CDR2L: variants seen among roughly 807,000 people sequenced by gnomAD.
CDR2L encodes cerebellar degeneration-related protein 2-like.
A neutral mutation model predicts 36.1 loss-of-function variants in CDR2L; 19 were observed. The observed-to-expected ratio is 0.53, with a 90% CI of 0.37 to 0.77. CDR2L has a LOEUF of 0.77. Among genes scored for constraint, CDR2L ranks in the 30% least tolerant of loss-of-function variants. CDR2L has a pLI of 0.00. For synonymous variants in CDR2L, 285 were observed against 280.4 expected, an observed-to-expected ratio of 1.02 and a Z score of -0.16; for missense variants, 575 against 627.2, an observed-to-expected ratio of 0.92 and a Z score of 0.89.
intron 2 of CDR2L, among the ~76,000 whole-genome samples, chr17:74,999,843 A>G (rs2039854249): frequency 6.6e-6 from 1 of 151,430 alleles, no homozygotes; most frequent in South Asian, 2.1e-4. Flanking sequence ...AAGTCTCACC[A>G]TGTTGCCCAG....
chr17:74,999,887 C>T (rs918104880), intron 2 of CDR2L, among the ~76,000 whole-genome samples: 12 of 152,084 alleles, frequency 7.9e-5, no homozygotes, highest in Non-Finnish European at 1.5e-4. Flanking sequence ...AAGTGATCCT[C>T]CCACCTCAGC....
Position 75,002,304 on chromosome 17 carries a change from C to A in CDR2L, c.506+76C>A. 7.6e-7 allele frequency: 1 copy of A among 1,315,378 alleles called. No individual in the cohort carries two copies. Among genetic ancestry groups the A allele is most frequent in the Non-Finnish European group, 1.1e-6 (1 of 947,652 alleles). The allele number at this position is 1,315,378 out of a possible 1,614,324, so 81.5% of individuals were successfully genotyped here. ...AGGAGAGGCAGCAGGCAGCAGGGTG[C>A]AGTTGGTGCATCATCCAGGCCATCA... On this transcript the variant is annotated intron_variant, in intron 4 of 4. Coordinates refer to ENST00000337231, the MANE Select transcript of CDR2L (RefSeq NM_014603.3). The surrounding 1 kb of genome is among the most constrained non-coding windows in gnomAD (Gnocchi z 4.1).
intron 1 of CDR2L, among the ~76,000 whole-genome samples, chr17:74,990,263 C>G (rs1471316059): frequency 6.6e-6 from 1 of 152,196 alleles, no homozygotes; most frequent in Admixed American, 6.5e-5. Context: ...CTCTGCTTCT[C>G]TGGCCCTGCT....
At chr17:74,988,870 G>T (rs994361934) in intron 1 of CDR2L, among the ~76,000 whole-genome samples, 3 of 152,182 alleles carry the variant, frequency 2.0e-5, no homozygotes, top group Non-Finnish European at 4.4e-5. Flanking sequence ...ACTGGAAGGG[G>T]GTTAGAAGCT....
rs1179043267 is a variant in CDR2L, at chr17:75,003,275, G to C, written c.599G>C (p.Gly200Ala). The change falls in exon 5 of 5, where the codon GGG (glycine) becomes GCG (alanine). Residue 200 changes from glycine (G) to alanine (A), a missense_variant. Physicochemically the swap from Gly to Ala is moderately conservative, Grantham distance 60 (BLOSUM62 0). Transcript: ENST00000337231. The part of the protein sequence containing the change: ...QENERLQTLV[G>A]ALRSQVSQER... ...AACGAGCGGCTGCAGACCCTGGTGGGGGCGCTGCGCTCCCAGGTGAGCCAG... is the reference window on the plus strand; with the variant it reads ...AACGAGCGGCTGCAGACCCTGGTGGCGGCGCTGCGCTCCCAGGTGAGCCAG... 7.7e-6 allele frequency: 12 copies of C among 1,556,834 alleles called. No individual in the cohort carries two copies. The highest frequency in any genetic ancestry group is 3.9e-5 in the Admixed American group (2 of 51,430).
In CDR2L at chr17:75,003,713, G is replaced by A; in HGVS notation, c.1037G>A (p.Arg346His). 2.0e-6 allele frequency: 3 copies of A among 1,464,950 alleles called. No homozygotes were observed. The highest frequency in any genetic ancestry group is 1.8e-6 in the Non-Finnish European group (2 of 1,106,802). 90.7% of individuals were successfully genotyped at this position (1,464,950 alleles called of 1,614,324 possible). The part of the protein sequence containing the change: ...GNLTLHANSV[R>H]KRGMSILREV... ...CTCACACTGCACGCCAACAGCGTGC[G>A]CAAGCGGGGCATGTCCATCCTGCGG... Residue 346 changes from arginine (R) to histidine (H), a missense_variant, in exon 5 of 5, where the codon CGC becomes CAC. Coordinates refer to ENST00000337231, the MANE Select transcript of CDR2L (RefSeq NM_014603.3).
chr17:75,002,094 T>C lies in CDR2L; in HGVS notation c.372T>C (p.Ala124=). The C allele has an allele frequency of 1.3e-6, 2 of 1,599,812 alleles. No homozygotes were observed. The highest frequency in any genetic ancestry group is 2.3e-5 in the South Asian group (2 of 88,384). The change falls in exon 4 of 5, where the codon GCT becomes GCC. Residue 124 remains alanine, a synonymous_variant. Coordinates refer to ENST00000337231, the MANE Select transcript of CDR2L (RefSeq NM_014603.3). This position sits in a 1 kb window ranked among gnomAD's most constrained non-coding sequence, Gnocchi z 4.1. Reference sequence around the variant, plus strand: ...CGGAGACCATTGAGCGCCTCCAGGCTCAGGTGGAGGAGCTGCAGGCCCAGG... The same window carrying C: ...CGGAGACCATTGAGCGCCTCCAGGCCCAGGTGGAGGAGCTGCAGGCCCAGG... ...GLTETIERLQ[A]QVEELQAQVE...
intron 1 of CDR2L, among the ~76,000 whole-genome samples, chr17:74,992,871 C>A (rs2039804723): frequency 6.6e-6 from 1 of 152,198 alleles, no homozygotes; most frequent in African/African-American, 2.4e-5. Context: ...ACAGCCCAGA[C>A]ACTAACCTGG....
intron 1 of CDR2L, among the ~76,000 whole-genome samples, chr17:74,998,886 A>T (rs1324322642): frequency 6.6e-6 from 1 of 152,176 alleles, no homozygotes; most frequent in East Asian, 1.9e-4. Context: ...TGGGGCTGGG[A>T]GGGCATCTGT....
chr17:75,002,332 G>A lies in CDR2L; in HGVS notation c.506+104G>A, dbSNP rs1341837543. On this transcript the variant is annotated intron_variant, in intron 4 of 4. Transcript: ENST00000337231. The surrounding 1 kb of genome is among the most constrained non-coding windows in gnomAD (Gnocchi z 4.1). ...TTGGTGCATCATCCAGGCCATCAGAGAGACTGGTCCTGTTGCTAATGACAG... is the reference window on the plus strand; with the variant it reads ...TTGGTGCATCATCCAGGCCATCAGAAAGACTGGTCCTGTTGCTAATGACAG... 7.8e-6 allele frequency: 8 copies of A among 1,022,616 alleles called. No homozygotes were observed. The East Asian group carries it at 1.1e-4, about 14-fold the overall frequency. 63.3% of individuals were successfully genotyped at this position (1,022,616 alleles called of 1,614,324 possible).
At position 75,003,224 on chromosome 17, in the gene CDR2L, T is replaced by A; in HGVS notation, c.548T>A (p.Leu183Gln). 6.4e-7 allele frequency: 1 copy of A among 1,566,586 alleles called. No individual in the cohort carries two copies. Among genetic ancestry groups the A allele is most frequent in the Non-Finnish European group, 8.6e-7 (1 of 1,156,620 alleles). ...CGCCTACACAGTTCCTCCCTGGAGC[T>A]GGGCCCGCGGCCCCTGGAGCAGGAG... The part of the protein sequence containing the change: ...AFRLHSSSLE[L>Q]GPRPLEQENE... The change falls in exon 5 of 5, where the codon CTG (leucine) becomes CAG (glutamine). Residue 183 changes from leucine to glutamine, a missense_variant. Physicochemically the swap from Leu to Gln is moderately radical, Grantham distance 113 (BLOSUM62 -2). Coordinates refer to ENST00000337231, the MANE Select transcript of CDR2L (RefSeq NM_014603.3).
chr17:75,004,097 C>A lies in CDR2L; in HGVS notation c.*23C>A, dbSNP rs369292752. 264 of 1,578,504 alleles carry A rather than the reference C, an allele frequency of 1.7e-4. No individual in the cohort carries two copies. The highest frequency in any genetic ancestry group is 2.2e-4 in the Non-Finnish European group (252 of 1,161,522). The stretch of plus-strand genomic sequence containing the variant: ...TGACCCTTCTCCGGCCTGCAGCCTC[C>A]CCCAGGGTGGAAGCCGTGGGGTCCC... On this transcript the variant is annotated 3_prime_UTR_variant, in exon 5 of 5. Coordinates refer to ENST00000337231, the MANE Select transcript of CDR2L (RefSeq NM_014603.3).
rs1208852878 is a variant in CDR2L, at chr17:75,003,365, T to C, written c.689T>C (p.Leu230Pro). The change falls in exon 5 of 5, where the codon CTG becomes CCG. Residue 230 changes from leucine (L) to proline (P), a missense_variant. Leu to Pro is a moderately conservative substitution (Grantham distance 98, BLOSUM62 -3). Transcript: ENST00000337231. ...YTAVLQEYSE[L>P]ERQLCEMEAC... is the part of the protein sequence containing the mutation. ...GCGGTGCTGCAGGAGTACTCGGAGC[T>C]GGAGCGCCAGCTGTGCGAGATGGAG... is the stretch of plus-strand genomic sequence containing the variant. 3 of 1,559,110 alleles carry C rather than the reference T, an allele frequency of 1.9e-6. No individual in the cohort carries two copies. The highest frequency in any genetic ancestry group is 2.6e-6 in the Non-Finnish European group (3 of 1,152,394).
chr17:74,999,430 C>G, intron 1 of CDR2L, 74 bp from the exon 2 acceptor site: 2 of 1,024,856 alleles, frequency 2.0e-6, no homozygotes, highest in Non-Finnish European at 2.9e-6. Flanking sequence ...ATTGGGGTCA[C>G]CTAGAGTAGA....
At chr17:75,001,277 T>G in intron 2 of CDR2L, 64 bp from the exon 3 acceptor site, 2 of 1,366,404 alleles carry the variant, frequency 1.5e-6, no homozygotes, top group Non-Finnish European at 2.0e-6. Flanking sequence ...AGTAGGAGGG[T>G]CTAGGCAGAG....
In CDR2L at chr17:75,002,072, A is replaced by G. The variant is rs949407944; in HGVS notation, c.350A>G (p.Glu117Gly). 3 of 1,589,030 alleles carry G rather than the reference A, an allele frequency of 1.9e-6. No homozygotes were observed. The highest frequency in any genetic ancestry group is 1.8e-5 in the Admixed American group (1 of 55,198). ...CACCACCCCGCCCCCAGGCTGACGG[A>G]GACCATTGAGCGCCTCCAGGCTCAG... ...AAQQKIHGLT[E>G]TIERLQAQVE... Residue 117 changes from glutamate (E) to glycine (G), a missense_variant, in exon 4 of 5, where the codon GAG becomes GGG. Transcript: ENST00000337231. This position sits in a 1 kb window ranked among gnomAD's most constrained non-coding sequence, Gnocchi z 4.1.
At position 75,001,476 on chromosome 17, in the gene CDR2L, C is replaced by A. The variant is rs540291010; in HGVS notation, c.328C>A (p.Gln110Lys). The A allele has an allele frequency of 1.6e-5, 25 of 1,571,650 alleles. No individual in the cohort carries two copies. The highest frequency in any genetic ancestry group is 2.2e-5 in the Non-Finnish European group (25 of 1,161,192). ...GGTGCTGGAGAGTAAGGCTGCCCAG[C>A]AGAAGATCCATGGGTGAGGGCCCGG... Reference protein sequence around the residue: ...RLVLESKAAQQKIHGLTETIE... With the variant: ...RLVLESKAAQKKIHGLTETIE... Residue 110 changes from glutamine to lysine, a missense_variant, in exon 3 of 5, where the codon CAG becomes AAG. Physicochemically the swap from Gln to Lys is moderately conservative, Grantham distance 53. Transcript: ENST00000337231.
rs1358714742 is a variant in CDR2L at position 74,987,892 on chromosome 17, G to A, written c.-152G>A. On this transcript the variant is annotated 5_prime_UTR_variant, in exon 1 of 5. Transcript: ENST00000337231. ...GCGCCAGGCCCCGCGTGGGCTCCCG[G>A]CGAGCGGTTGATGGCGAGGGGGCGC... 1 of 333,736 alleles carries A rather than the reference G, an allele frequency of 3.0e-6. No individual in the cohort carries two copies. The highest frequency in any genetic ancestry group is 2.2e-5 in the African/African-American group (1 of 45,724). The allele number at this position is 333,736 out of a possible 1,614,324, so 20.7% of individuals were successfully genotyped here.
Position 74,989,852 on chromosome 17 carries a change from T to C in CDR2L, c.79+1730T>C, listed in dbSNP as rs2039786256. ...CAGGGTTTCACCATGTTGGCCAGGC[T>C]GCTCTCAAACTCCTGACCTCAGATG... On this transcript the variant is annotated intron_variant, in intron 1 of 4. Coordinates refer to ENST00000337231, the MANE Select transcript of CDR2L (RefSeq NM_014603.3). The surrounding 1 kb of genome is among the most constrained non-coding windows in gnomAD (Gnocchi z 4.2). 1.3e-5 allele frequency among the ~76,000 whole-genome samples: 2 copies of C among 152,208 alleles called. No homozygotes were observed. The highest frequency in any genetic ancestry group is 4.2e-4 in the South Asian group (2 of 4,818).
Sources: gnomAD v4.1 joint callset for allele counts (sites outside exome capture counted in the v4.1 genomes callset) on GRCh38, gnomAD v4.1.1 for gene constraint, Gnocchi (gnomAD v3.1) non-coding constraint, MANE v1.5 for transcripts, NCBI Gene and HGNC (gene_info 2026-07-23, HGNC 2026-07-21) for gene names.